Variants in SYCP1 observed in about 807,000 individuals in gnomAD.
SYCP1 encodes the protein synaptonemal complex protein 1, also known as cancer/testis antigen 8.
Under a neutral mutation model 153.1 loss-of-function variants are expected in SYCP1, and 64 were observed. The ratio of observed to expected loss-of-function variants is 0.42; its 90% CI spans 0.34 to 0.51. The LOEUF is 0.51. Ranked by LOEUF, SYCP1 falls within the 20% of genes least tolerant of loss-of-function variation. The probability of loss-of-function intolerance (pLI) is 0.06; values close to 1 mark genes in which losing one functional copy is unlikely to be tolerated. For missense variants in SYCP1, 997 were observed against 1,049.0 expected (o/e 0.95, Z 0.68); for synonymous variants, 384 against 341.8 (o/e 1.12, Z -1.36).
chr1:114,934,426 G>C (rs553642394), intron 23 of SYCP1, among the ~76,000 whole-genome samples: 1 of 152,208 alleles, frequency 6.6e-6, no homozygotes, highest in South Asian at 2.1e-4. Flanking sequence ...ACATGGAAAA[G>C]AACAACCGGT....
In SYCP1 at chr1:114,981,382, T is replaced by C. The variant is rs1462165311; in HGVS notation, c.2429T>C (p.Leu810Ser). ...GAAACACCTGAAATTTATTGGAAATTGGATTCTAAAGCAGTTCCTTCACAA... is the reference window on the plus strand; with the variant it reads ...GAAACACCTGAAATTTATTGGAAATCGGATTCTAAAGCAGTTCCTTCACAA... The part of the protein sequence containing the change: ...LLETPEIYWK[L>S]DSKAVPSQTV... Residue 810 changes from leucine to serine, a missense_variant, in exon 29 of 32, where the codon TTG becomes TCG. By Grantham distance (145) the Leu-to-Ser change is moderately radical. Around this residue, in one of 2 missense-constraint regions of SYCP1, gnomAD observed 712 missense variants for 682.9 expected, o/e 1.04. Transcript: ENST00000369522. 1.9e-6 allele frequency: 3 copies of C among 1,603,684 alleles called. No homozygotes were observed. Among genetic ancestry groups the C allele is most frequent in the African/African-American group, 2.7e-5 (2 of 74,502 alleles).
chr1:114,958,845 G>A (rs1373394001), intron 27 of SYCP1, among the ~76,000 whole-genome samples: 1 of 150,556 alleles, frequency 6.6e-6, no homozygotes, highest in Non-Finnish European at 1.5e-5. Flanking sequence ...CAGGAGAATG[G>A]CATGAACCTG....
intron 19 of SYCP1, among the ~76,000 whole-genome samples, chr1:114,913,373 T>C (rs1266348751): frequency 6.6e-6 from 1 of 152,014 alleles, no homozygotes; most frequent in East Asian, 1.9e-4. Flanking sequence ...AAAAAGTTAA[T>C]TTAATTTTAG....
chr1:114,895,130 G>C (rs1322318542), intron 15 of SYCP1, among the ~76,000 whole-genome samples: 1 of 152,060 alleles, frequency 6.6e-6, no homozygotes, highest in African/African-American at 2.4e-5. Context: ...CAGATGTTTA[G>C]ACAGTGATGA....
At chr1:114,913,177 A>G (rs1480344500) in intron 19 of SYCP1, 27 bp downstream of exon 19, 3 of 1,573,900 alleles carry the variant, frequency 1.9e-6, no homozygotes, top group Admixed American at 1.7e-5. Flanking sequence ...AGTGCTGGTG[A>G]CTTAGTTTTC....
intron 30 of SYCP1, among the ~76,000 whole-genome samples, chr1:114,993,995 A>ATT (rs141666315): frequency 6.8e-6 from 1 of 148,070 alleles, no homozygotes; most frequent in Non-Finnish European, 1.5e-5. Context: ...TTTTGTGACC[A>ATT]TTTTTTTTTT....
intron 27 of SYCP1, among the ~76,000 whole-genome samples, chr1:114,972,824 G>C (rs920923936): frequency 1.3e-5 from 2 of 152,116 alleles, no homozygotes; most frequent in Non-Finnish European, 2.9e-5. Context: ...CATATGGTCT[G>C]TCCTTAAGAC....
At chr1:114,913,891 T>C (rs1405106976) in intron 19 of SYCP1, 84 bp from the exon 20 acceptor site, 1 of 1,000,726 alleles carries the variant, frequency 1.0e-6, no homozygotes, top group Admixed American at 3.2e-5. Flanking sequence ...AATTTTATGC[T>C]GATAGATAAA....
intron 27 of SYCP1, among the ~76,000 whole-genome samples, chr1:114,967,846 T>C (rs1268421139): frequency 2.0e-5 from 3 of 152,208 alleles, no homozygotes; most frequent in African/African-American, 7.2e-5. Flanking sequence ...TATTTAGTGC[T>C]TCCTTCAGGA....
At chr1:114,876,577 GA>G (rs1440108451) in intron 10 of SYCP1, among the ~76,000 whole-genome samples, 159 bp from the exon 11 acceptor site, 71 of 151,538 alleles carry the variant, frequency 4.7e-4, no homozygotes, top group African/African-American at 1.3e-3. Context: ...TTACTAAACA[GA>G]AAGGAAGAAA....
intron 23 of SYCP1, among the ~76,000 whole-genome samples, chr1:114,943,224 T>C (rs1228502920): frequency 6.6e-6 from 1 of 151,942 alleles, no homozygotes; most frequent in Non-Finnish European, 1.5e-5. Context: ...ACCTGCCCTA[T>C]GACCCGGCAA....
Position 114,981,411 on chromosome 1 carries a change from G to C in SYCP1, c.2458G>C (p.Val820Leu), listed in dbSNP as rs187856270. 1 of 1,609,230 alleles carries C rather than the reference G, an allele frequency of 6.2e-7. No individual in the cohort carries two copies. The highest frequency in any genetic ancestry group is 8.5e-7 in the Non-Finnish European group (1 of 1,178,124). ...TTCTAAAGCAGTTCCTTCACAAACT[G>C]TATCTCGAAATTTCACATCAGTTGA... ...LDSKAVPSQT[V>L]SRNFTSVDHG... is the part of the protein sequence containing the mutation. The change falls in exon 29 of 32, where the codon GTA becomes CTA. Residue 820 changes from valine (V) to leucine (L), a missense_variant. Transcript: ENST00000369522.
intron 3 of SYCP1, 56 bp downstream of exon 3, chr1:114,856,713 A>T: frequency 2.4e-6 from 3 of 1,243,200 alleles, no homozygotes; most frequent in Non-Finnish European, 3.4e-6. Context: ...TGTTACATAC[A>T]TCGATAGTTA....
chr1:114,872,419 T>C (rs1235571941), intron 8 of SYCP1, among the ~76,000 whole-genome samples: 1 of 152,204 alleles, frequency 6.6e-6, no homozygotes, highest in East Asian at 1.9e-4. Context: ...ATAGAATCTT[T>C]CTTTTTGCTC....
chr1:114,857,156 A>AAAAAAAAAAAAAAAAAAAAAAAAG (rs774041717), intron 3 of SYCP1, 76 bp from the exon 4 acceptor site: 4 of 921,438 alleles, frequency 4.3e-6, no homozygotes, highest in Non-Finnish European at 4.6e-6. Flanking sequence ...AAAAAAAAAA[A>AAAAAAAAAAAAAAAAAAAAAAAAG]AGAGAAAAAA....
intron 27 of SYCP1, among the ~76,000 whole-genome samples, chr1:114,968,477 G>C (rs1291909702): frequency 6.6e-6 from 1 of 152,106 alleles, no homozygotes; most frequent in Non-Finnish European, 1.5e-5. Flanking sequence ...TTCAGCTATT[G>C]ATACTTGTGT....
At chr1:114,944,525 G>T (rs570700579) in intron 24 of SYCP1, 70 bp downstream of exon 24, 1 of 947,986 alleles carries the variant, frequency 1.1e-6, no homozygotes, top group Non-Finnish European at 1.5e-6. Context: ...ATTTTAAGAG[G>T]AAAGTAAAAA....
At chr1:114,986,893 T>C (rs1317668166) in intron 30 of SYCP1, among the ~76,000 whole-genome samples, 2 of 152,092 alleles carry the variant, frequency 1.3e-5, no homozygotes, top group East Asian at 1.9e-4. Context: ...CAGCCTAAAA[T>C]ATGATAGCAG....
intron 14 of SYCP1, among the ~76,000 whole-genome samples, chr1:114,886,961 A>G (rs1009269437): frequency 6.6e-6 from 1 of 151,990 alleles, no homozygotes; most frequent in Non-Finnish European, 1.5e-5. Context: ...GGAGGCCTAG[A>G]TAATTATTTT....
Sources: allele counts gnomAD v4.1 joint callset (sites outside exome capture counted in the v4.1 genomes callset), GRCh38; gene constraint gnomAD v4.1.1; regional missense constraint gnomAD v4.1.1; transcripts MANE v1.5; gene names NCBI Gene and HGNC (gene_info 2026-07-23, HGNC 2026-07-21).